Variants in CDH23 observed in about 807,000 individuals in gnomAD.
CDH23 encodes cadherin related 23, also known as cadherin-23.
A neutral mutation model predicts 317.1 loss-of-function variants in CDH23; 189 were observed. That is an observed-to-expected ratio of 0.60 (90% CI 0.53 to 0.67). The LOEUF is 0.67. CDH23 is among the 30% of genes least tolerant of loss of function. The pLI, the probability that CDH23 is intolerant of heterozygous loss-of-function variation, is 0.00. For synonymous variants in CDH23, 1,839 were observed against 1,876.8 expected (o/e 0.98, Z 0.52); for missense variants, 4,401 against 4,592.4 (o/e 0.96, Z 1.20).
chr10:71,440,669 T>C lies in CDH23; in HGVS notation c.67+771T>C, dbSNP rs1044704913. ...CAGCTCCAGAGCCCACGGAGGAGGGTAGGAGAGGCCTGGGCATTTGCTTCT... is the reference window on the plus strand; with the variant it reads ...CAGCTCCAGAGCCCACGGAGGAGGGCAGGAGAGGCCTGGGCATTTGCTTCT... On this transcript the variant is annotated intron_variant, in intron 2 of 69. Coordinates refer to ENST00000224721, the MANE Select transcript of CDH23 (RefSeq NM_022124.6). Among the ~76,000 whole-genome samples, 13 of 151,950 alleles carry C rather than the reference T, an allele frequency of 8.6e-5. No individual in the cohort carries two copies. The East Asian group carries it at 2.5e-3, about 29-fold the overall frequency.
At chr10:71,681,155 C>G (rs967788681) in intron 17 of CDH23, among the ~76,000 whole-genome samples, 1 of 152,046 alleles carries the variant, frequency 6.6e-6, no homozygotes, top group Non-Finnish European at 1.5e-5. Flanking sequence ...CTTAAAAGTT[C>G]CATGCTTCTG....
At chr10:71,799,389 A>G in intron 51 of CDH23, 103 bp from the exon 52 acceptor site, 1 of 1,603,588 alleles carries the variant, frequency 6.2e-7, no homozygotes, top group South Asian at 1.1e-5. Context: ...GGGAGTGCCC[A>G]GCCCACGAGC....
chr10:71,563,753 T>C (rs569167412), intron 6 of CDH23, among the ~76,000 whole-genome samples: 36 of 150,844 alleles, frequency 2.4e-4, no homozygotes, highest in African/African-American at 6.8e-4. Context: ...TTTCTTTTTT[T>C]TTTTTTCTTT....
At chr10:71,795,724 C>T (rs768819390) in intron 48 of CDH23, 14 of 727,880 alleles carry the variant, frequency 1.9e-5, no homozygotes, top group East Asian at 1.3e-4. Flanking sequence ...CCTCCCACCC[C>T]GTCAGCTCTG....
intron 9 of CDH23, among the ~76,000 whole-genome samples, chr10:71,588,297 G>A (rs1445735638): frequency 6.6e-6 from 1 of 152,152 alleles, no homozygotes; most frequent in Non-Finnish European, 1.5e-5. Context: ...GAGAGAGCAG[G>A]CAAGAAACCT....
chr10:71,424,959 C>T (rs1287885618), intron 1 of CDH23, among the ~76,000 whole-genome samples: 6 of 152,146 alleles, frequency 3.9e-5, no homozygotes, highest in East Asian at 3.9e-4. Context: ...CCTGTCTAAG[C>T]GAAGGCGGAA....
chr10:71,527,098 C>G (rs1185005392), intron 6 of CDH23, among the ~76,000 whole-genome samples: 2 of 152,232 alleles, frequency 1.3e-5, no homozygotes, highest in African/African-American at 4.8e-5. Flanking sequence ...TCTCTCCAGC[C>G]CCACCCCAGT....
intron 6 of CDH23, among the ~76,000 whole-genome samples, chr10:71,558,827 C>T (rs958882843): frequency 5.9e-5 from 9 of 152,194 alleles, no homozygotes; most frequent in Non-Finnish European, 1.2e-4. Context: ...TTCCTTTTTA[C>T]TGCCTGGAGC....
At chr10:71,787,182 C>T (rs1331833465) in intron 44 of CDH23, among the ~76,000 whole-genome samples, 1 of 152,200 alleles carries the variant, frequency 6.6e-6, no homozygotes, top group East Asian at 1.9e-4. Context: ...CCATTTGCCA[C>T]ACCTCCGTGA....
chr10:71,641,107 G>T (rs975576525), intron 11 of CDH23, among the ~76,000 whole-genome samples: 3 of 152,124 alleles, frequency 2.0e-5, no homozygotes, highest in Non-Finnish European at 1.5e-5. Flanking sequence ...ACCCCTCTTT[G>T]CCTCTCCAAC....
At chr10:71,517,221 G>A (rs894936344) in intron 6 of CDH23, among the ~76,000 whole-genome samples, 1 of 152,222 alleles carries the variant, frequency 6.6e-6, no homozygotes, top group Non-Finnish European at 1.5e-5. Flanking sequence ...CCAGGGCTGG[G>A]TGAGGAGCGG....
intron 11 of CDH23, among the ~76,000 whole-genome samples, chr10:71,625,428 C>CA (rs1431135844): frequency 3.0e-5 from 1 of 32,936 alleles, no homozygotes; most frequent in Non-Finnish European, 6.7e-5. Context: ...AAAAAAATGA[C>CA]AAGGAGAAAA....
At chr10:71,564,906 G>C (rs140743678) in intron 6 of CDH23, among the ~76,000 whole-genome samples, 13 of 152,344 alleles carry the variant, frequency 8.5e-5, no homozygotes, top group African/African-American at 3.1e-4. Flanking sequence ...GCTTCAGAGT[G>C]ATCTATTGTA....
At position 71,751,507 on chromosome 10, in the gene CDH23, T is replaced by C. The variant is rs1435597121; in HGVS notation, c.4845+9586T>C. Among the ~76,000 whole-genome samples the C allele has an allele frequency of 6.5e-5, 8 of 123,426 alleles. No individual in the cohort carries two copies. Among genetic ancestry groups the C allele is most frequent in the Non-Finnish European group, 1.4e-4 (8 of 58,774 alleles). The allele number at this position is 123,426 out of a possible 152,430, so 81.0% of individuals were successfully genotyped here. A position where few individuals can be genotyped will look rare whatever the true frequency, so the allele number is the denominator to read the frequency against. On this transcript the variant is annotated intron_variant, in intron 38 of 69. Transcript: ENST00000224721. The surrounding 1 kb of genome is among the most constrained non-coding windows in gnomAD (Gnocchi z 4.9). ...CCCACCCCGTGAGGCCGTGGAACTCTTCAGGGAGGTGAATGGGGGCCCCTC... is the reference window on the plus strand; with the variant it reads ...CCCACCCCGTGAGGCCGTGGAACTCCTCAGGGAGGTGAATGGGGGCCCCTC...
intron 1 of CDH23, among the ~76,000 whole-genome samples, chr10:71,410,404 T>C (rs1399666997): frequency 1.3e-5 from 2 of 152,148 alleles, no homozygotes; most frequent in Non-Finnish European, 2.9e-5. Context: ...GCCCTGAGGC[T>C]GCAGCTTTGC....
At chr10:71,761,567 C>T (rs368289633) in intron 38 of CDH23, 17 of 1,533,138 alleles carry the variant, frequency 1.1e-5, no homozygotes, top group Admixed American at 1.9e-5. Context: ...CCTCCACACA[C>T]GCCAGGCTGT....
At chr10:71,578,035 C>A in intron 9 of CDH23, 43 bp downstream of exon 9, 1 of 1,538,530 alleles carries the variant, frequency 6.5e-7, no homozygotes. Context: ...CCCCTCTGTC[C>A]TCCACCCAAG....
chr10:71,566,472 G>T (rs1049852067), intron 6 of CDH23, among the ~76,000 whole-genome samples: 2 of 151,960 alleles, frequency 1.3e-5, no homozygotes, highest in South Asian at 2.1e-4. Context: ...TTTGGGGACC[G>T]TAAGACCCCT....
At chr10:71,694,607 G>A (rs531302948) in intron 21 of CDH23, among the ~76,000 whole-genome samples, 35 of 152,254 alleles carry the variant, frequency 2.3e-4, no homozygotes, top group African/African-American at 7.0e-4. Context: ...GCATTCCTGC[G>A]AGGAAGAGCA....
Sources: gnomAD v4.1 joint callset for allele counts (sites outside exome capture counted in the v4.1 genomes callset) on GRCh38, gnomAD v4.1.1 for gene constraint, Gnocchi (gnomAD v3.1) non-coding constraint, MANE v1.5 for transcripts, NCBI Gene and HGNC (gene_info 2026-07-23, HGNC 2026-07-21) for gene names.